Variants in IL36B observed in about 807,000 individuals in gnomAD.
IL36B encodes the protein interleukin 36 beta, also known as interleukin-36 beta.
In IL36B, 23 loss-of-function variants were observed where a neutral mutation model predicts 19.3. That is an observed-to-expected ratio of 1.19 (90% CI 0.86 to 1.69). IL36B has a LOEUF of 1.69. IL36B is among the 40% of genes most tolerant of loss of function. IL36B has a pLI of 0.00. For synonymous variants in IL36B, 59 were observed against 59.7 expected, an observed-to-expected ratio of 0.99 and a Z score of 0.05; for missense variants, 217 against 200.5, an observed-to-expected ratio of 1.08 and a Z score of -0.50.
chr2:113,033,630 G>A (rs1685118187), intron 1 of IL36B, among the ~76,000 whole-genome samples: 1 of 152,178 alleles, frequency 6.6e-6, no homozygotes, highest in Non-Finnish European at 1.5e-5. Flanking sequence ...AAGTCATACA[G>A]CTACTAAGAA....
At chr2:113,024,078 G>T (rs1264329106) in intron 5 of IL36B, among the ~76,000 whole-genome samples, 1 of 152,160 alleles carries the variant, frequency 6.6e-6, no homozygotes, top group Non-Finnish European at 1.5e-5. Flanking sequence ...TCTCTGAAAT[G>T]GACGTGCATT....
chr2:113,030,807 A>G (rs566806694), intron 3 of IL36B, among the ~76,000 whole-genome samples: 2 of 152,322 alleles, frequency 1.3e-5, no homozygotes, highest in South Asian at 4.1e-4. Flanking sequence ...AGCCCTTCTA[A>G]TCTGAAGATA....
rs550260671 is a variant in IL36B at position 113,046,354 on chromosome 2, C to T, written c.-58+6463G>A. On this transcript the variant is annotated intron_variant, in intron 1 of 5. Coordinates refer to ENST00000259213, the MANE Select transcript of IL36B (RefSeq NM_014438.5). The stretch of plus-strand genomic sequence containing the variant: ...CCTCCTGAGTAGCTGGGACTACAGA[C>T]TCCCGCCACCACGCTCAGCTAATTT... 4.6e-5 allele frequency among the ~76,000 whole-genome samples: 7 copies of T among 152,072 alleles called. No homozygotes were observed. In the East Asian group the frequency reaches 1.4e-3, roughly 29 times the overall value.
intron 1 of IL36B, among the ~76,000 whole-genome samples, chr2:113,036,528 C>T (rs1435822226): frequency 6.6e-6 from 1 of 152,072 alleles, no homozygotes; most frequent in Non-Finnish European, 1.5e-5. Context: ...TGATATGAAG[C>T]TCAGTTTTCA....
intron 2 of IL36B, 76 bp downstream of exon 2, chr2:113,031,621 G>A (rs1287206108): frequency 4.9e-6 from 6 of 1,213,250 alleles, no homozygotes; most frequent in Admixed American, 1.7e-5. Context: ...GCAAATGATA[G>A]GGGTCCTTCC....
rs559474562 is a variant in IL36B at position 113,049,817 on chromosome 2, T to G, written c.-58+3000A>C. ...TAAAAATACAAAAGTTAGCCAGGCATGGTGGCGTGCACCTGTAATCCCAGC... is the reference window on the plus strand; with the variant it reads ...TAAAAATACAAAAGTTAGCCAGGCAGGGTGGCGTGCACCTGTAATCCCAGC... On this transcript the variant is annotated intron_variant, in intron 1 of 5. Coordinates refer to ENST00000259213, the MANE Select transcript of IL36B (RefSeq NM_014438.5). Among the ~76,000 whole-genome samples the G allele has an allele frequency of 1.4e-4, 22 of 152,216 alleles. No homozygotes were observed. The South Asian group carries it at 4.2e-3, about 29-fold the overall frequency.
intron 1 of IL36B, among the ~76,000 whole-genome samples, chr2:113,044,152 T>C (rs1351151681): frequency 2.0e-5 from 3 of 152,162 alleles, no homozygotes; most frequent in African/African-American, 7.2e-5. Flanking sequence ...TTTAGCAATA[T>C]TTTAAAATTT....
chr2:113,045,768 T>A (rs1047746790), intron 1 of IL36B, among the ~76,000 whole-genome samples: 3 of 152,248 alleles, frequency 2.0e-5, no homozygotes, highest in Non-Finnish European at 4.4e-5. Flanking sequence ...GTATATTTCA[T>A]TCCAGACATG....
At chr2:113,030,375 G>T (rs557191579) in intron 3 of IL36B, among the ~76,000 whole-genome samples, 2 of 152,178 alleles carry the variant, frequency 1.3e-5, no homozygotes, top group South Asian at 4.1e-4. Context: ...AGAAGGTTGG[G>T]GGGGAGTAGG....
intron 1 of IL36B, among the ~76,000 whole-genome samples, chr2:113,048,412 A>G (rs1685384845): frequency 6.6e-6 from 1 of 152,210 alleles, no homozygotes; most frequent in East Asian, 1.9e-4. Context: ...ACTGCTCTCC[A>G]GCCTGAGTGA....
intron 1 of IL36B, among the ~76,000 whole-genome samples, chr2:113,049,065 T>C (rs1361382406): frequency 6.6e-6 from 1 of 152,154 alleles, no homozygotes; most frequent in Non-Finnish European, 1.5e-5. Context: ...GTGATGATGG[T>C]GATGGTGGAG....
chr2:113,027,585 A>C, intron 4 of IL36B: 1 of 1,137,904 alleles, frequency 8.8e-7, no homozygotes. Context: ...GGCAAAAGGA[A>C]TAGGAATGGA....
At chr2:113,027,644 G>A in intron 4 of IL36B, 3 of 1,308,160 alleles carry the variant, frequency 2.3e-6, no homozygotes, top group Non-Finnish European at 2.9e-6. Context: ...GGGCATGGCA[G>A]CTGAGTGGAT....
intron 5 of IL36B, among the ~76,000 whole-genome samples, chr2:113,024,780 T>C (rs890551287): frequency 3.9e-5 from 6 of 152,210 alleles, no homozygotes; most frequent in African/African-American, 1.4e-4. Context: ...CAGGATTACA[T>C]TGCATTTTTC....
chr2:113,043,096 T>G (rs1017091833), intron 1 of IL36B, among the ~76,000 whole-genome samples: 1 of 152,188 alleles, frequency 6.6e-6, no homozygotes, highest in Non-Finnish European at 1.5e-5. Flanking sequence ...TACAAATATC[T>G]GTTCTAAGTT....
chr2:113,039,020 T>A, intron 1 of IL36B, among the ~76,000 whole-genome samples: 1 of 152,154 alleles, frequency 6.6e-6, no homozygotes, highest in East Asian at 1.9e-4. Context: ...TCGTCGTGGG[T>A]TCTGTCCTTT....
At chr2:113,039,182 G>A (rs1334811452) in intron 1 of IL36B, among the ~76,000 whole-genome samples, 6 of 152,222 alleles carry the variant, frequency 3.9e-5, no homozygotes, top group East Asian at 3.9e-4. Context: ...GGATATAGTC[G>A]GTGTCTGCTG....
intron 5 of IL36B, among the ~76,000 whole-genome samples, chr2:113,023,377 G>A (rs1365107223): frequency 6.6e-6 from 1 of 152,244 alleles, no homozygotes; most frequent in African/African-American, 2.4e-5. Flanking sequence ...GACATTGCTA[G>A]TGGCTTTGGC....
intron 1 of IL36B, among the ~76,000 whole-genome samples, chr2:113,040,386 G>T (rs1023400141): frequency 6.6e-6 from 1 of 152,048 alleles, no homozygotes; most frequent in Non-Finnish European, 1.5e-5. Context: ...GTTCAACATC[G>T]TATTTGAAGT....
Sources: allele counts gnomAD v4.1 joint callset (sites outside exome capture counted in the v4.1 genomes callset), GRCh38; gene constraint gnomAD v4.1.1; transcripts MANE v1.5; gene names NCBI Gene and HGNC (gene_info 2026-07-23, HGNC 2026-07-21).